Variants in LSAMP observed in about 807,000 individuals in gnomAD.
The protein encoded by LSAMP is limbic system associated membrane protein, also known as limbic system-associated membrane protein.
Under a neutral mutation model 38.6 loss-of-function variants are expected in LSAMP, and 7 were observed. The observed-to-expected ratio is 0.18, with a 90% CI of 0.10 to 0.34. LSAMP has a LOEUF of 0.34. LSAMP is among the 10% of genes least tolerant of loss of function. LSAMP has a pLI of 1.00. For missense variants in LSAMP, 313 were observed against 420.0 expected (o/e 0.75, Z 2.23); for synonymous variants, 154 against 166.8 (o/e 0.92, Z 0.59).
At chr3:115,908,548 A>G (rs1194678128) in intron 3 of LSAMP, among the ~76,000 whole-genome samples, 2 of 152,138 alleles carry the variant, frequency 1.3e-5, no homozygotes, top group African/African-American at 4.8e-5. Flanking sequence ...CTGATTCTGA[A>G]GTTGCTTATA....
intron 3 of LSAMP, among the ~76,000 whole-genome samples, chr3:115,865,902 A>G (rs1935844424): frequency 6.6e-6 from 1 of 152,156 alleles, no homozygotes; most frequent in Non-Finnish European, 1.5e-5. Context: ...ACTGAAGGAG[A>G]CAAGTTAAAT....
At chr3:116,267,833 C>T (rs868609261) in intron 1 of LSAMP, among the ~76,000 whole-genome samples, 11 of 152,026 alleles carry the variant, frequency 7.2e-5, no homozygotes, top group Non-Finnish European at 1.5e-5. Flanking sequence ...GAGCGATGAG[C>T]CAAGCTAAAA....
chr3:115,902,356 CT>C (rs1297735082), intron 3 of LSAMP, among the ~76,000 whole-genome samples: 1 of 151,942 alleles, frequency 6.6e-6, no homozygotes, highest in Non-Finnish European at 1.5e-5. Context: ...AAAGTTTACT[CT>C]TTAAAAAGGT....
At chr3:116,040,167 G>A (rs192222213) in intron 2 of LSAMP, among the ~76,000 whole-genome samples, 6 of 152,286 alleles carry the variant, frequency 3.9e-5, no homozygotes, top group Admixed American at 3.3e-4. Context: ...CAGTTGAGGG[G>A]AGGGGAACTC....
At chr3:115,905,184 C>T (rs971468909) in intron 3 of LSAMP, among the ~76,000 whole-genome samples, 1 of 152,048 alleles carries the variant, frequency 6.6e-6, no homozygotes, top group Non-Finnish European at 1.5e-5. Flanking sequence ...GCCAAAATTG[C>T]TCTTTTAGAA....
chr3:116,171,884 C>T (rs1710208992), intron 1 of LSAMP, among the ~76,000 whole-genome samples: 1 of 152,010 alleles, frequency 6.6e-6, no homozygotes, highest in Admixed American at 6.6e-5. Flanking sequence ...CATTGTGGTT[C>T]CTCAAAAAAT....
chr3:115,858,446 T>C (rs905321949), intron 3 of LSAMP, among the ~76,000 whole-genome samples: 2 of 152,186 alleles, frequency 1.3e-5, no homozygotes, highest in Non-Finnish European at 2.9e-5. Context: ...GAGCACTTTG[T>C]GACTTTAAAA....
chr3:116,259,504 T>A (rs1366580009), intron 1 of LSAMP, among the ~76,000 whole-genome samples: 15 of 152,156 alleles, frequency 9.9e-5, no homozygotes, highest in Admixed American at 3.3e-4. Context: ...TGCCCATTTT[T>A]AAAAATAATT....
intron 1 of LSAMP, among the ~76,000 whole-genome samples, chr3:116,178,164 G>C (rs772622652): frequency 6.6e-6 from 1 of 151,860 alleles, no homozygotes; most frequent in Non-Finnish European, 1.5e-5. Flanking sequence ...CAAAAGGGAA[G>C]AGACTTAATT....
At chr3:116,219,856 T>A (rs959721273) in intron 1 of LSAMP, among the ~76,000 whole-genome samples, 2 of 152,174 alleles carry the variant, frequency 1.3e-5, no homozygotes, top group African/African-American at 4.8e-5. Flanking sequence ...ATATATAATC[T>A]TTAATTACCA....
intron 3 of LSAMP, among the ~76,000 whole-genome samples, chr3:115,876,879 CAAT>C (rs1426694827): frequency 2.0e-5 from 3 of 152,048 alleles, no homozygotes; most frequent in Non-Finnish European, 2.9e-5. Context: ...ATCAGGAGAG[CAAT>C]ATTAATGAAT....
intron 3 of LSAMP, among the ~76,000 whole-genome samples, chr3:115,880,892 G>A (rs1237507161): frequency 3.3e-5 from 5 of 151,880 alleles, no homozygotes; most frequent in African/African-American, 1.2e-4. Context: ...AAAAAAATGA[G>A]CCAGGTGTGG....
At chr3:115,840,740 T>C (rs897101159) in intron 6 of LSAMP, among the ~76,000 whole-genome samples, 6 of 152,218 alleles carry the variant, frequency 3.9e-5, no homozygotes, top group Non-Finnish European at 7.3e-5. Context: ...TAAAAATATT[T>C]TTTTCTTGAA....
chr3:115,840,615 C>G (rs1934966174), intron 6 of LSAMP, among the ~76,000 whole-genome samples: 1 of 152,112 alleles, frequency 6.6e-6, no homozygotes, highest in Admixed American at 6.5e-5. Flanking sequence ...AAACTAAAGG[C>G]CGAAGTTAGA....
intron 1 of LSAMP, among the ~76,000 whole-genome samples, chr3:116,246,897 G>A (rs1303704072): frequency 6.6e-6 from 1 of 152,104 alleles, no homozygotes; most frequent in Non-Finnish European, 1.5e-5. Context: ...AGGGTAGAGT[G>A]GGGTGGGGTG....
intron 1 of LSAMP, among the ~76,000 whole-genome samples, chr3:116,113,126 C>T (rs1708654608): frequency 6.6e-6 from 1 of 151,902 alleles, no homozygotes; most frequent in South Asian, 2.1e-4. Flanking sequence ...GAGAGAGTAA[C>T]AGTGTGGCTA....
intron 2 of LSAMP, among the ~76,000 whole-genome samples, chr3:116,051,491 A>G (rs1941395782): frequency 6.6e-6 from 1 of 152,048 alleles, no homozygotes; most frequent in Non-Finnish European, 1.5e-5. Flanking sequence ...GGAATCCTTT[A>G]TTATTGTTGT....
chr3:116,107,400 G>A (rs995549609), intron 1 of LSAMP, among the ~76,000 whole-genome samples: 9 of 152,106 alleles, frequency 5.9e-5, no homozygotes, highest in South Asian at 2.1e-4. Flanking sequence ...AGTGGCAGCC[G>A]CTGCACGCAG....
intron 1 of LSAMP, among the ~76,000 whole-genome samples, chr3:116,120,970 T>G (rs2107487303): frequency 6.6e-6 from 1 of 152,264 alleles, no homozygotes; most frequent in East Asian, 1.9e-4. Context: ...TGTCAACAAT[T>G]TCAGGTGGAT....
Sources: allele counts gnomAD v4.1 joint callset (sites outside exome capture counted in the v4.1 genomes callset), GRCh38; gene constraint gnomAD v4.1.1; transcripts MANE v1.5; gene names NCBI Gene and HGNC (gene_info 2026-07-23, HGNC 2026-07-21).